The following STXBP5L variants were observed in gnomAD, a reference collection of about 807,000 sequenced individuals.
STXBP5L encodes the protein syntaxin-binding protein 5-like.
In STXBP5L, 65 loss-of-function variants were observed where a neutral mutation model predicts 144.5. The observed-to-expected ratio is 0.45, with a 90% CI of 0.37 to 0.55. The LOEUF is 0.55. Ranked by LOEUF, STXBP5L falls within the 20% of genes least tolerant of loss-of-function variation. STXBP5L has a pLI of 0.00. For missense variants in STXBP5L, 1,298 were observed against 1,405.5 expected (o/e 0.92, Z 1.22); for synonymous variants, 505 against 469.6 (o/e 1.08, Z -0.97).
intron 7 of STXBP5L, among the ~76,000 whole-genome samples, chr3:121,127,666 G>T (rs1252161127): frequency 6.6e-6 from 1 of 151,760 alleles, no homozygotes; most frequent in Non-Finnish European, 1.5e-5. Flanking sequence ...AATTACATCT[G>T]CAAAGATTCT....
chr3:121,341,053 A>G (rs1476100813), intron 20 of STXBP5L, among the ~76,000 whole-genome samples: 2 of 152,148 alleles, frequency 1.3e-5, no homozygotes, highest in African/African-American at 4.8e-5. Context: ...AAAGGAAATA[A>G]TCAACTAAGT....
chr3:121,259,706 A>G (rs1243967850), intron 18 of STXBP5L, among the ~76,000 whole-genome samples: 5 of 151,860 alleles, frequency 3.3e-5, no homozygotes, highest in Non-Finnish European at 7.4e-5. Context: ...TGTGTTTGAT[A>G]CTTCCATATT....
chr3:121,354,243 C>G (rs4676674), intron 20 of STXBP5L, among the ~76,000 whole-genome samples: 1 of 151,942 alleles, frequency 6.6e-6, no homozygotes, highest in African/African-American at 2.4e-5. Context: ...CCTTGTTAAC[C>G]TTCTGTCTCA....
intron 3 of STXBP5L, among the ~76,000 whole-genome samples, chr3:121,005,582 G>T (rs1944220608): frequency 6.6e-6 from 1 of 151,812 alleles, no homozygotes; most frequent in South Asian, 2.1e-4. Flanking sequence ...GTTATTTCTT[G>T]CCTTCTGCTA....
chr3:120,945,243 C>T (rs1164931676), intron 2 of STXBP5L, among the ~76,000 whole-genome samples: 1 of 151,680 alleles, frequency 6.6e-6, no homozygotes, highest in Non-Finnish European at 1.5e-5. Context: ...GACAAGTAAC[C>T]TAATATCAGA....
chr3:121,277,559 GC>G (rs1332536805), intron 18 of STXBP5L, among the ~76,000 whole-genome samples: 15 of 151,512 alleles, frequency 9.9e-5, no homozygotes, highest in Admixed American at 6.6e-4. Flanking sequence ...GCTTTGAAAA[GC>G]ACTTTCATTA....
At position 121,129,357 on chromosome 3, in the gene STXBP5L, A is replaced by G. The variant is rs974981048; in HGVS notation, c.669+7653A>G. 1.4e-4 allele frequency among the ~76,000 whole-genome samples: 21 copies of G among 152,018 alleles called. No individual in the cohort carries two copies. In the East Asian group the frequency reaches 4.1e-3, roughly 29 times the overall value. Reference sequence around the variant, plus strand: ...AGGAACTGCAGAGATTATTAGCACAATTAGACTTGAATGACATAATGGTAG... The same window carrying G: ...AGGAACTGCAGAGATTATTAGCACAGTTAGACTTGAATGACATAATGGTAG... On this transcript the variant is annotated intron_variant, in intron 7 of 26. Transcript: ENST00000471454.
intron 14 of STXBP5L, among the ~76,000 whole-genome samples, chr3:121,241,996 T>A (rs1190504630): frequency 6.6e-6 from 1 of 152,120 alleles, no homozygotes; most frequent in Non-Finnish European, 1.5e-5. Context: ...AGTTTTCAAG[T>A]ACTGAAAGAA....
intron 10 of STXBP5L, among the ~76,000 whole-genome samples, chr3:121,219,703 C>T (rs562565636): frequency 6.6e-5 from 10 of 152,202 alleles, no homozygotes; most frequent in South Asian, 6.2e-4. Flanking sequence ...GTTCCTATTA[C>T]GGCAGCCTAC....
chr3:120,974,994 T>G (rs1940777577), intron 3 of STXBP5L, among the ~76,000 whole-genome samples: 2 of 152,168 alleles, frequency 1.3e-5, no homozygotes, highest in South Asian at 4.1e-4. Flanking sequence ...CCAGCTTTGT[T>G]CTTTTGGCTT....
chr3:121,029,393 T>C (rs532779250), intron 3 of STXBP5L, among the ~76,000 whole-genome samples: 2 of 152,282 alleles, frequency 1.3e-5, no homozygotes, highest in Admixed American at 6.5e-5. Flanking sequence ...TACAACCATC[T>C]GATCTTTGAC....
chr3:121,122,112 TA>T (rs2044494377), intron 7 of STXBP5L, among the ~76,000 whole-genome samples: 1 of 151,142 alleles, frequency 6.6e-6, no homozygotes, highest in African/African-American at 2.4e-5. Flanking sequence ...TACTAATATA[TA>T]AAATGTTATC....
chr3:121,284,574 C>T (rs1383182553), intron 19 of STXBP5L, among the ~76,000 whole-genome samples: 1 of 152,002 alleles, frequency 6.6e-6, no homozygotes, highest in Non-Finnish European at 1.5e-5. Flanking sequence ...TTTATATTCC[C>T]TGCATCTAGC....
chr3:120,986,695 GAT>G (rs1227845408), intron 3 of STXBP5L, among the ~76,000 whole-genome samples: 1 of 151,700 alleles, frequency 6.6e-6, no homozygotes, highest in Non-Finnish European at 1.5e-5. Context: ...ACTAAAGGAA[GAT>G]ATGGAGAAAG....
chr3:121,334,196 T>C (rs1342283638), intron 20 of STXBP5L, among the ~76,000 whole-genome samples: 1 of 152,166 alleles, frequency 6.6e-6, no homozygotes, highest in East Asian at 1.9e-4. Flanking sequence ...ATTATCTCTG[T>C]CTTTTGTAAA....
chr3:121,095,408 C>T (rs974906014), intron 5 of STXBP5L, among the ~76,000 whole-genome samples: 5 of 152,208 alleles, frequency 3.3e-5, no homozygotes, highest in African/African-American at 7.2e-5. Context: ...TGCTCCCCGT[C>T]ACTTTCAGTT....
intron 7 of STXBP5L, among the ~76,000 whole-genome samples, chr3:121,126,677 C>T (rs965563190): frequency 1.3e-5 from 2 of 152,070 alleles, no homozygotes; most frequent in African/African-American, 2.4e-5. Context: ...GTTAGTTTCC[C>T]ATTGTCAAAA....
intron 3 of STXBP5L, among the ~76,000 whole-genome samples, chr3:121,028,140 T>C (rs182770031): frequency 1.3e-5 from 2 of 152,196 alleles, no homozygotes. Context: ...TCTAAATTAA[T>C]AGAAACATTA....
intron 3 of STXBP5L, among the ~76,000 whole-genome samples, chr3:120,986,697 T>A (rs1942318364): frequency 6.6e-6 from 1 of 151,764 alleles, no homozygotes; most frequent in African/African-American, 2.4e-5. Flanking sequence ...TAAAGGAAGA[T>A]ATGGAGAAAG....
Sources: allele counts gnomAD v4.1 joint callset (sites outside exome capture counted in the v4.1 genomes callset), GRCh38; gene constraint gnomAD v4.1.1; transcripts MANE v1.5; gene names NCBI Gene and HGNC (gene_info 2026-07-23, HGNC 2026-07-21).